The following CEP295 variants were observed in gnomAD, a reference collection of about 807,000 sequenced individuals.
CEP295 encodes centrosomal protein of 295 kDa.
CEP295 carries 190 observed loss-of-function variants against 291.6 expected under a neutral mutation model. The observed-to-expected ratio is 0.65, with a 90% CI of 0.58 to 0.73. The LOEUF is 0.73. Ranked by LOEUF, CEP295 falls within the 30% of genes least tolerant of loss-of-function variation. CEP295 has a pLI of 0.00. For missense variants in CEP295, 2,863 were observed against 2,949.4 expected (o/e 0.97, Z 0.68); for synonymous variants, 993 against 1,038.8 (o/e 0.96, Z 0.85).
chr11:93,671,146 G>A (rs1950427513), intron 5 of CEP295, among the ~76,000 whole-genome samples: 1 of 152,176 alleles, frequency 6.6e-6, no homozygotes, highest in African/African-American at 2.4e-5. Context: ...GCCTCCCAAA[G>A]TGCTAGGATT....
chr11:93,710,263 T>C (rs1289213496), intron 18 of CEP295, among the ~76,000 whole-genome samples: 4 of 152,230 alleles, frequency 2.6e-5, no homozygotes, highest in Non-Finnish European at 5.9e-5. Flanking sequence ...ATACTAGCTG[T>C]GGATCTGTCA....
chr11:93,689,714 T>C (rs1241789563), intron 10 of CEP295, among the ~76,000 whole-genome samples: 1 of 152,172 alleles, frequency 6.6e-6, no homozygotes, highest in African/African-American at 2.4e-5. Context: ...GGTGCTTATT[T>C]TGCTTATTAT....
chr11:93,665,698 A>T (rs969677401), intron 1 of CEP295, among the ~76,000 whole-genome samples: 1 of 152,196 alleles, frequency 6.6e-6, no homozygotes, highest in Non-Finnish European at 1.5e-5. Flanking sequence ...ACAGAACGAG[A>T]CTCCATCTCA....
At chr11:93,727,902 T>G (rs1380495004) in intron 24 of CEP295, 1 of 294,552 alleles carries the variant, frequency 3.4e-6, no homozygotes, top group African/African-American at 2.2e-5. Flanking sequence ...TCCAGCATAA[T>G]GCAGAAACTT....
chr11:93,693,542 G>C lies in CEP295; in HGVS notation c.1533+1512G>C, dbSNP rs141065585. ...AGGCTTAGGCGGGCGGATCACCTGA[G>C]GTCAGGAGTTTGAGACCAGCCTGGC... On this transcript the variant is annotated intron_variant, in intron 12 of 29. Transcript: ENST00000325212. Among the ~76,000 whole-genome samples the C allele has an allele frequency of 9.1e-3, 1,379 of 152,222 alleles. 26 individuals are homozygous for C. The highest frequency in any genetic ancestry group is 0.032 in the African/African-American group (1,318 of 41,536).
intron 17 of CEP295, among the ~76,000 whole-genome samples, chr11:93,704,411 C>T (rs142279369): frequency 0.011 from 1,614 of 152,166 alleles, 107 homozygotes; most frequent in Admixed American, 0.097. Flanking sequence ...GGATCGAGAC[C>T]AGCCTGGTGT....
intron 17 of CEP295, among the ~76,000 whole-genome samples, chr11:93,703,503 C>T (rs1361849406): frequency 6.6e-6 from 1 of 151,388 alleles, no homozygotes; most frequent in East Asian, 1.9e-4. Context: ...GGTTTTCCAT[C>T]TTCTGACAGT....
At chr11:93,686,402 A>G (rs917197635) in intron 9 of CEP295, among the ~76,000 whole-genome samples, 1 of 152,068 alleles carries the variant, frequency 6.6e-6, no homozygotes, top group Non-Finnish European at 1.5e-5. Flanking sequence ...GTTTGTCACA[A>G]TGGAAGTCTT....
Position 93,730,273 on chromosome 11 carries a change from T to C in CEP295, c.*4T>C. On this transcript the variant is annotated 3_prime_UTR_variant, in exon 30 of 30. Transcript: ENST00000325212. ...TCGAGCCAAAAATACATGCTGACTT[T>C]CTAGAAATAGTGTAAAGGTTTTTTA... 2 of 1,541,304 alleles carry C rather than the reference T, an allele frequency of 1.3e-6. No individual in the cohort carries two copies. Among genetic ancestry groups the C allele is most frequent in the Non-Finnish European group, 1.8e-6 (2 of 1,138,386 alleles).
intron 18 of CEP295, among the ~76,000 whole-genome samples, chr11:93,707,317 C>T (rs950396031): frequency 6.6e-6 from 1 of 151,886 alleles, no homozygotes; most frequent in Admixed American, 6.6e-5. Context: ...TCACTTAATC[C>T]TAACACCCAA....
chr11:93,691,652 T>C (rs1229180451), intron 10 of CEP295, 31 bp from the exon 11 acceptor site: 12 of 1,347,890 alleles, frequency 8.9e-6, no homozygotes, highest in African/African-American at 1.5e-5. Flanking sequence ...TGATTATATA[T>C]TCAAAATAAC....
chr11:93,695,678 G>A (rs1244165391), intron 13 of CEP295, 44 bp downstream of exon 13: 1 of 1,469,218 alleles, frequency 6.8e-7, no homozygotes, highest in Non-Finnish European at 8.9e-7. Context: ...CATTTGGTAA[G>A]GGGGGCAAGA....
intron 18 of CEP295, among the ~76,000 whole-genome samples, chr11:93,717,380 T>TG (rs1163996997): frequency 6.6e-6 from 1 of 152,198 alleles, no homozygotes; most frequent in Non-Finnish European, 1.5e-5. Context: ...TCTGACCTGT[T>TG]GCGGTGAGGG....
chr11:93,722,766 T>A lies in CEP295; in HGVS notation c.5948-275T>A, dbSNP rs1168950781. 13 of 285,370 alleles carry A rather than the reference T, an allele frequency of 4.6e-5. No homozygotes were observed. In the East Asian group the frequency reaches 9.6e-4, roughly 21 times the overall value. The allele number at this position is 285,370 out of a possible 1,614,324, so 17.7% of individuals were successfully genotyped here. A position where few individuals can be genotyped will look rare whatever the true frequency, so the allele number is the denominator to read the frequency against. ...TATAGTGTCGCTGTCAATTACATTT[T>A]TTTTTCTTTTGAGATGGAGTCTTGC... is the stretch of plus-strand genomic sequence containing the variant. On this transcript the variant is annotated intron_variant, in intron 20 of 29. Transcript: ENST00000325212.
At position 93,696,844 on chromosome 11, in the gene CEP295, T is replaced by A. The variant is rs1385377244; in HGVS notation, c.1932T>A (p.His644Gln). 6.4e-7 allele frequency: 1 copy of A among 1,551,710 alleles called. No homozygotes were observed. The highest frequency in any genetic ancestry group is 2.4e-5 in the East Asian group (1 of 40,916). ...KSERPTAISE[H>Q]WDQGQRLKLS... ...AGAGACCGACTGCTATATCAGAGCA[T>A]TGGGATCAAGGTCAGAGACTCAAGT... The change falls in exon 15 of 30, where the codon CAT becomes CAA. Residue 644 changes from histidine (H) to glutamine (Q), a missense_variant. This residue lies in a region of CEP295 where 2,295 missense variants were observed against 2,335.7 expected (regional missense o/e 0.98). Coordinates refer to ENST00000325212, the MANE Select transcript of CEP295 (RefSeq NM_033395.2).
At chr11:93,727,815 G>C (rs1319795634) in intron 24 of CEP295, 178 bp downstream of exon 24, 1 of 515,698 alleles carries the variant, frequency 1.9e-6, no homozygotes, top group Non-Finnish European at 3.4e-6. Context: ...CACAATGCCT[G>C]GCAGGAAAAA....
intron 12 of CEP295, among the ~76,000 whole-genome samples, chr11:93,692,481 C>G (rs1214123080): frequency 6.6e-6 from 1 of 152,032 alleles, no homozygotes; most frequent in Non-Finnish European, 1.5e-5. Context: ...TAATATACAG[C>G]GCCCTTTTTT....
chr11:93,664,564 T>G (rs1013240427), intron 1 of CEP295, among the ~76,000 whole-genome samples: 7 of 152,354 alleles, frequency 4.6e-5, no homozygotes, highest in African/African-American at 1.4e-4. Flanking sequence ...TTGAAGGTTG[T>G]GATGATTGTG....
chr11:93,681,291 C>T (rs2134936302), intron 7 of CEP295, among the ~76,000 whole-genome samples: 1 of 149,446 alleles, frequency 6.7e-6, no homozygotes, highest in East Asian at 2.0e-4. Flanking sequence ...GGCTGGAGTG[C>T]AGTGCTGGGA....
Sources: gnomAD v4.1 joint callset for allele counts (sites outside exome capture counted in the v4.1 genomes callset) on GRCh38, gnomAD v4.1.1 for gene constraint, gnomAD v4.1.1 regional missense constraint, MANE v1.5 for transcripts, NCBI Gene and HGNC (gene_info 2026-07-23, HGNC 2026-07-21) for gene names.